The following SLC44A5 variants were observed in gnomAD, a reference collection of about 807,000 sequenced individuals.
SLC44A5 encodes the protein choline transporter-like protein 5.
In SLC44A5, 57 loss-of-function variants were observed where a neutral mutation model predicts 101.8. The observed-to-expected ratio is 0.56, with a 90% CI of 0.45 to 0.70. The LOEUF (loss-of-function observed/expected upper bound fraction) is 0.70, where lower values mean the gene tolerates loss of function less well. Ranked by LOEUF, SLC44A5 falls within the 30% of genes least tolerant of loss-of-function variation. The pLI is 0.00. For synonymous variants in SLC44A5, 281 were observed against 290.9 expected, an observed-to-expected ratio of 0.97 and a Z score of 0.35; for missense variants, 737 against 853.1, an observed-to-expected ratio of 0.86 and a Z score of 1.70.
chr1:75,698,341 G>C, the SLC44A5 span, among the ~76,000 whole-genome samples: 1 of 152,190 alleles, frequency 6.6e-6, no homozygotes, highest in Non-Finnish European at 1.5e-5. Context: ...GTGGGTCCCT[G>C]ACCCCTGATC....
intron 10 of SLC44A5, among the ~76,000 whole-genome samples, chr1:75,237,832 T>C (rs1485415427): frequency 1.3e-5 from 2 of 150,590 alleles, no homozygotes; most frequent in African/African-American, 4.8e-5. Flanking sequence ...GTACTAATTA[T>C]ACTCCTAAAG....
chr1:75,544,243 T>C (rs1467273437), intron 1 of SLC44A5, among the ~76,000 whole-genome samples: 4 of 152,160 alleles, frequency 2.6e-5, no homozygotes, highest in African/African-American at 9.7e-5. Flanking sequence ...CCTTCCACCA[T>C]GTGATGCCTT....
chr1:75,306,995 C>T (rs895231173), intron 4 of SLC44A5, among the ~76,000 whole-genome samples: 4 of 152,088 alleles, frequency 2.6e-5, no homozygotes, highest in African/African-American at 9.7e-5. Flanking sequence ...GCCTCGGCCT[C>T]CCAAAGTGCT....
chr1:75,223,130 G>A (rs984447505), intron 13 of SLC44A5, among the ~76,000 whole-genome samples: 3 of 152,326 alleles, frequency 2.0e-5, no homozygotes, highest in African/African-American at 7.2e-5. Flanking sequence ...TGAATCTGCA[G>A]AGAAAGAATA....
intron 3 of SLC44A5, among the ~76,000 whole-genome samples, chr1:75,389,584 T>G (rs1661646660): frequency 6.6e-6 from 1 of 151,994 alleles, no homozygotes; most frequent in South Asian, 2.1e-4. Context: ...ACCAACAAAA[T>G]TAATGAAATA....
chr1:75,571,085 C>T (rs1277458022), intron 1 of SLC44A5, among the ~76,000 whole-genome samples: 2 of 152,200 alleles, frequency 1.3e-5, no homozygotes, highest in African/African-American at 4.8e-5. Flanking sequence ...GGCTCCACCA[C>T]AAGCGCTAAT....
chr1:75,552,841 A>G (rs1672013129), intron 1 of SLC44A5, among the ~76,000 whole-genome samples: 1 of 152,116 alleles, frequency 6.6e-6, no homozygotes, highest in South Asian at 2.1e-4. Flanking sequence ...TTGGCTTTTT[A>G]GCTCAACTAA....
intron 4 of SLC44A5, among the ~76,000 whole-genome samples, chr1:75,312,266 A>C (rs777799733): frequency 6.6e-6 from 1 of 152,124 alleles, no homozygotes; most frequent in East Asian, 1.9e-4. Context: ...TCTTTCCTTC[A>C]TAATTCCCCA....
intron 4 of SLC44A5, among the ~76,000 whole-genome samples, chr1:75,301,415 G>C (rs1472757253): frequency 6.6e-6 from 1 of 152,168 alleles, no homozygotes; most frequent in Non-Finnish European, 1.5e-5. Context: ...AAGTGGTTTG[G>C]AAGGTCAAAG....
At chr1:75,613,045 T>G (rs1035790877), upstream of SLC44A5, among the ~76,000 whole-genome samples, 1 of 152,222 alleles carries the variant, frequency 6.6e-6, no homozygotes, top group African/African-American at 2.4e-5. Flanking sequence ...CTATCAATGT[T>G]AAGAAACTGC....
chr1:75,454,660 G>C (rs528678499), intron 2 of SLC44A5, among the ~76,000 whole-genome samples: 8 of 151,942 alleles, frequency 5.3e-5, no homozygotes, highest in South Asian at 4.2e-4. Context: ...CCCCCAAAAG[G>C]CTCCTAGACC....
chr1:75,285,030 G>A (rs892485423), intron 5 of SLC44A5, among the ~76,000 whole-genome samples: 7 of 151,976 alleles, frequency 4.6e-5, no homozygotes, highest in African/African-American at 7.2e-5. Flanking sequence ...TTCATAAAAC[G>A]ATTTAGAAGG....
the SLC44A5 span, among the ~76,000 whole-genome samples, chr1:75,679,045 G>A: frequency 6.6e-6 from 1 of 152,128 alleles, no homozygotes; most frequent in Admixed American, 6.6e-5. Flanking sequence ...AATGAAGCGA[G>A]AAGGGAAGTT....
chr1:75,384,706 C>A (rs1418307676), intron 3 of SLC44A5, among the ~76,000 whole-genome samples: 1 of 125,320 alleles, frequency 8.0e-6, no homozygotes. Context: ...ACCAAGCGGA[C>A]CTAATAGACA....
Position 75,587,608 on chromosome 1 carries a change from T to G in SLC44A5, c.-70+23432A>C, listed in dbSNP as rs431959. On this transcript the variant is annotated intron_variant, in intron 1 of 23. Coordinates refer to ENST00000370859, the MANE Select transcript of SLC44A5 (RefSeq NM_001130058.2). ...GTTGTTGTTTTGGTAATAAATTTTT[T>G]TGATTTTCTTTAATTCAGTTATGTG... Among the ~76,000 whole-genome samples the G allele has an allele frequency of 2.7e-3, 408 of 152,340 alleles. 1 individual carries two copies. The highest frequency in any genetic ancestry group is 9.6e-3 in the African/African-American group (398 of 41,576).
In SLC44A5 at chr1:75,242,884, A is replaced by G. The variant is rs1244266256; in HGVS notation, c.471+2T>C. The stretch of plus-strand genomic sequence containing the variant: ...TCTTGCTTTAAGCTTAAACACACAT[A>G]CCTTCACAGGCTTAGCAGTGGTCTT... On this transcript the variant is annotated splice_donor_variant, in intron 8 of 23. Coordinates refer to ENST00000370859, the MANE Select transcript of SLC44A5 (RefSeq NM_001130058.2). LOFTEE classifies it high-confidence loss of function. 4 of 1,586,480 alleles carry G rather than the reference A, an allele frequency of 2.5e-6. No homozygotes were observed. Among genetic ancestry groups the G allele is most frequent in the Non-Finnish European group, 3.4e-6 (4 of 1,169,172 alleles).
chr1:75,590,050 T>C lies in SLC44A5; in HGVS notation c.-70+20990A>G, dbSNP rs1024916300. On this transcript the variant is annotated intron_variant, in intron 1 of 23. Coordinates refer to ENST00000370859, the MANE Select transcript of SLC44A5 (RefSeq NM_001130058.2). ...AGGGATGAAATAGGCCCAGAGACAGTGGATTAGGGGGGCACACGACGTACT... is the reference window on the plus strand; with the variant it reads ...AGGGATGAAATAGGCCCAGAGACAGCGGATTAGGGGGGCACACGACGTACT... 3.3e-5 allele frequency among the ~76,000 whole-genome samples: 5 copies of C among 151,778 alleles called. 1 individual carries two copies. In the South Asian group the frequency reaches 8.3e-4, roughly 25 times the overall value.
chr1:75,275,904 C>G (rs78184715), intron 5 of SLC44A5, among the ~76,000 whole-genome samples: 3,820 of 152,216 alleles, frequency 0.025, 153 homozygotes, highest in African/African-American at 0.088. Flanking sequence ...AAACATATCT[C>G]TTTGTCCTTT....
chr1:75,534,586 A>G lies in SLC44A5; in HGVS notation c.13+6849T>C, dbSNP rs981125290. ...ATTTTTCAGTTCAGTTTATTTACCT[A>G]AACCTAGAATGTGTCATGACTGGAA... is the stretch of plus-strand genomic sequence containing the variant. On this transcript the variant is annotated intron_variant, in intron 2 of 23. Transcript: ENST00000370859. Among the ~76,000 whole-genome samples, 3 of 152,238 alleles carry G rather than the reference A, an allele frequency of 2.0e-5. No individual in the cohort carries two copies. The East Asian group carries it at 5.8e-4, about 29-fold the overall frequency.
Sources: allele counts gnomAD v4.1 joint callset (sites outside exome capture counted in the v4.1 genomes callset), GRCh38; gene constraint gnomAD v4.1.1; transcripts MANE v1.5; gene names NCBI Gene and HGNC (gene_info 2026-07-23, HGNC 2026-07-21).